Variants in CDKAL1 observed in about 807,000 individuals in gnomAD.
The protein encoded by CDKAL1 is threonylcarbamoyladenosine tRNA methylthiotransferase.
A neutral mutation model predicts 68.2 loss-of-function variants in CDKAL1; 32 were observed. That is an observed-to-expected ratio of 0.47 (90% CI 0.35 to 0.63). The LOEUF (loss-of-function observed/expected upper bound fraction) is 0.63, where lower values mean the gene tolerates loss of function less well. CDKAL1 is among the 30% of genes least tolerant of loss of function. The probability of loss-of-function intolerance (pLI) is 0.00; values close to 1 mark genes in which losing one functional copy is unlikely to be tolerated. For synonymous variants in CDKAL1, 234 were observed against 244.3 expected, an observed-to-expected ratio of 0.96 and a Z score of 0.39; for missense variants, 606 against 696.7, an observed-to-expected ratio of 0.87 and a Z score of 1.47.
intron 13 of CDKAL1, among the ~76,000 whole-genome samples, chr6:21,161,077 G>C (rs1246916837): frequency 1.3e-5 from 2 of 152,104 alleles, no homozygotes; most frequent in Admixed American, 1.3e-4. Flanking sequence ...TCAAGGAACA[G>C]GGAAGACAAC....
At chr6:20,876,412 G>A (rs1760517935) in intron 9 of CDKAL1, among the ~76,000 whole-genome samples, 1 of 152,148 alleles carries the variant, frequency 6.6e-6, no homozygotes, top group Admixed American at 6.5e-5. Flanking sequence ...TGTTGAGTGT[G>A]GAGTCAGCCT....
chr6:21,147,450 C>T (rs1010686323), intron 13 of CDKAL1, among the ~76,000 whole-genome samples: 27 of 152,096 alleles, frequency 1.8e-4, no homozygotes, highest in Non-Finnish European at 7.4e-5. Flanking sequence ...GACCATCACA[C>T]AAAGGCTTAG....
intron 7 of CDKAL1, among the ~76,000 whole-genome samples, chr6:20,775,457 A>G (rs1021816744): frequency 2.6e-5 from 4 of 152,232 alleles, no homozygotes; most frequent in African/African-American, 9.6e-5. Flanking sequence ...CTAACGAGAA[A>G]GGATCAAATA....
In CDKAL1 at chr6:20,609,279, C is replaced by CCTTCTCCTTCTTCTCCTTCTCCTT. The variant is rs1315091096; in HGVS notation, c.287-39991_287-39990insTCTTCTCCTTCTTCTCCTTCTCCT. Among the ~76,000 whole-genome samples the CCTTCTCCTTCTTCTCCTTCTCCTT allele has an allele frequency of 4.9e-3, 721 of 146,750 alleles. 21 individuals are homozygous for CCTTCTCCTTCTTCTCCTTCTCCTT. Among genetic ancestry groups the CCTTCTCCTTCTTCTCCTTCTCCTT allele is most frequent in the Admixed American group, 0.028 (416 of 14,692 alleles). ...CTCCTTCCTTCCTCCTCCTTCTCCT[C>CCTTCTCCTTCTTCTCCTTCTCCTT]CTTCTCCTTCTTCTCCTTCTCCTCC... On this transcript the variant is annotated intron_variant, in intron 4 of 15. Coordinates refer to ENST00000274695, the MANE Select transcript of CDKAL1 (RefSeq NM_017774.3).
rs111345737 is a variant in CDKAL1, at chr6:21,136,099, A to G, written c.1299+27636A>G. On this transcript the variant is annotated intron_variant, in intron 13 of 15. Coordinates refer to ENST00000274695, the MANE Select transcript of CDKAL1 (RefSeq NM_017774.3). ...CAGCTTGTCCAAAGGACAACCAGAC[A>G]TGTGTATGGTTCTCCAACTCAGGGA... Among the ~76,000 whole-genome samples the G allele has an allele frequency of 6.4e-3, 973 of 152,304 alleles. 8 individuals carry two copies. Among genetic ancestry groups the G allele is most frequent in the African/African-American group, 0.022 (925 of 41,554 alleles).
At chr6:20,939,858 C>T (rs183917934) in intron 9 of CDKAL1, among the ~76,000 whole-genome samples, 1 of 152,200 alleles carries the variant, frequency 6.6e-6, no homozygotes, top group Admixed American at 6.5e-5. Context: ...TCTATTCCAC[C>T]CATGTATGGC....
At chr6:20,841,310 G>C (rs1778165095) in intron 8 of CDKAL1, among the ~76,000 whole-genome samples, 1 of 152,074 alleles carries the variant, frequency 6.6e-6, no homozygotes, top group Non-Finnish European at 1.5e-5. Context: ...AAAACCAGAA[G>C]ACTGTGTCAC....
chr6:21,100,383 C>T (rs1000959218), intron 12 of CDKAL1, among the ~76,000 whole-genome samples: 7 of 152,138 alleles, frequency 4.6e-5, no homozygotes, highest in Non-Finnish European at 8.8e-5. Flanking sequence ...TACTCTTTGC[C>T]TCCAGCACTT....
At chr6:21,189,151 C>T (rs938817076) in intron 13 of CDKAL1, among the ~76,000 whole-genome samples, 2 of 152,186 alleles carry the variant, frequency 1.3e-5, no homozygotes, top group Admixed American at 1.3e-4. Context: ...TGAAGAAAAG[C>T]ACAAGGAGAT....
At chr6:21,072,676 C>CTTTTTTTTTTTTTT (rs66763305) in intron 12 of CDKAL1, among the ~76,000 whole-genome samples, 3 of 131,196 alleles carry the variant, frequency 2.3e-5, no homozygotes, top group Admixed American at 7.7e-5. Flanking sequence ...AATAGAGTAT[C>CTTTTTTTTTTTTTT]TTTTTTTTTT....
At chr6:21,082,824 C>A (rs1044275233) in intron 12 of CDKAL1, among the ~76,000 whole-genome samples, 3 of 149,676 alleles carry the variant, frequency 2.0e-5, no homozygotes, top group African/African-American at 7.4e-5. Flanking sequence ...AATGTGATAT[C>A]TTGGGGATGC....
chr6:21,099,197 G>A (rs918762972), intron 12 of CDKAL1, among the ~76,000 whole-genome samples: 2 of 152,002 alleles, frequency 1.3e-5, no homozygotes, highest in African/African-American at 2.4e-5. Flanking sequence ...GCAAACCAAC[G>A]GTTTAGAGCA....
Position 20,603,807 on chromosome 6 carries a change from A to G in CDKAL1, c.287-45486A>G, listed in dbSNP as rs868189814. Among the ~76,000 whole-genome samples the G allele has an allele frequency of 5.8e-5, 6 of 102,800 alleles. No individual in the cohort carries two copies. The Admixed American group carries it at 9.0e-4, about 15-fold the overall frequency. The allele number at this position is 102,800 out of a possible 152,430, so 67.4% of individuals were successfully genotyped here. A position where few individuals can be genotyped will look rare whatever the true frequency, so the allele number is the denominator to read the frequency against. On this transcript the variant is annotated intron_variant, in intron 4 of 15. Coordinates refer to ENST00000274695, the MANE Select transcript of CDKAL1 (RefSeq NM_017774.3). ...TTTTTTTTTTTTTGAGACGGAGTCT[A>G]GCTTAGTCACCCAGGCTGGAGTGCA...
At chr6:20,903,562 C>G (rs1033607889) in intron 9 of CDKAL1, among the ~76,000 whole-genome samples, 1 of 152,160 alleles carries the variant, frequency 6.6e-6, no homozygotes, top group Non-Finnish European at 1.5e-5. Flanking sequence ...ATTTCTCAAT[C>G]ATGATTGCAT....
intron 13 of CDKAL1, among the ~76,000 whole-genome samples, chr6:21,137,887 A>T (rs923419973): frequency 6.6e-6 from 1 of 152,210 alleles, no homozygotes; most frequent in Non-Finnish European, 1.5e-5. Flanking sequence ...TTCCACAAAC[A>T]TCCATTGTTT....
chr6:21,016,324 T>C lies in CDKAL1; in HGVS notation c.1055+15952T>C, dbSNP rs1322595985. 1.0e-3 allele frequency among the ~76,000 whole-genome samples: 159 copies of C among 152,070 alleles called. 2 individuals carry two copies. The highest frequency in any genetic ancestry group is 1.8e-4 in the Non-Finnish European group (12 of 67,964). On this transcript the variant is annotated intron_variant, in intron 11 of 15. Transcript: ENST00000274695. ...TTTCCTAGTTCCAGAGCTGGTGCTT[T>C]TTACCTACTGTACTTCACTCTTCCT...
intron 5 of CDKAL1, among the ~76,000 whole-genome samples, chr6:20,701,183 G>A (rs1021758882): frequency 4.0e-5 from 6 of 151,486 alleles, no homozygotes; most frequent in Non-Finnish European, 8.8e-5. Flanking sequence ...GCTGTGTTGC[G>A]ACCCTGGAAA....
intron 9 of CDKAL1, among the ~76,000 whole-genome samples, chr6:20,908,966 A>C (rs1762344760): frequency 6.6e-6 from 1 of 152,210 alleles, no homozygotes; most frequent in South Asian, 2.1e-4. Flanking sequence ...TGATTGAATG[A>C]GTACCAGACA....
At chr6:20,882,584 G>A (rs1328159188) in intron 9 of CDKAL1, among the ~76,000 whole-genome samples, 1 of 152,032 alleles carries the variant, frequency 6.6e-6, no homozygotes, top group Non-Finnish European at 1.5e-5. Context: ...CTTTCATTTA[G>A]CAATATTTTT....
Sources: allele counts gnomAD v4.1 joint callset (sites outside exome capture counted in the v4.1 genomes callset), GRCh38; gene constraint gnomAD v4.1.1; transcripts MANE v1.5; gene names NCBI Gene and HGNC (gene_info 2026-07-23, HGNC 2026-07-21).